The following CHKA variants were observed in gnomAD, a reference collection of about 807,000 sequenced individuals.
CHKA encodes the protein CHETK-alpha.
CHKA carries 34 observed loss-of-function variants against 60.1 expected under a neutral mutation model. The observed-to-expected ratio is 0.57, with a 90% CI of 0.43 to 0.75. CHKA has a LOEUF of 0.75. Ranked by LOEUF, CHKA falls within the 30% of genes least tolerant of loss-of-function variation. The pLI, the probability that CHKA is intolerant of heterozygous loss-of-function variation, is 0.00. For synonymous variants in CHKA, 217 were observed against 223.1 expected, an observed-to-expected ratio of 0.97 and a Z score of 0.24; for missense variants, 563 against 561.3, an observed-to-expected ratio of 1.00 and a Z score of -0.03.
intron 1 of CHKA, among the ~76,000 whole-genome samples, chr11:68,110,184 G>A (rs538506339): frequency 6.6e-6 from 1 of 152,274 alleles, no homozygotes; most frequent in African/African-American, 2.4e-5. Flanking sequence ...TGATGAGAAA[G>A]TCACAGCTTT....
At chr11:68,088,450 T>G (rs1427608669) in intron 2 of CHKA, among the ~76,000 whole-genome samples, 1 of 151,966 alleles carries the variant, frequency 6.6e-6, no homozygotes, top group Non-Finnish European at 1.5e-5. Context: ...GAGAAATAAT[T>G]TTTAATACAG....
intron 1 of CHKA, among the ~76,000 whole-genome samples, chr11:68,114,152 A>G (rs1213727108): frequency 6.6e-6 from 1 of 152,244 alleles, no homozygotes; most frequent in Non-Finnish European, 1.5e-5. Flanking sequence ...GCTACTCTGG[A>G]AGACAGTTTG....
Position 68,068,924 on chromosome 11 carries a change from A to G in CHKA, c.883T>C (p.Ser295Pro). 1 of 1,612,170 alleles carries G rather than the reference A, an allele frequency of 6.2e-7. No homozygotes were observed. The highest frequency in any genetic ancestry group is 8.5e-7 in the Non-Finnish European group (1 of 1,178,864). The stretch of plus-strand genomic sequence containing the variant: ...CAAAATACAACTGGAGATGGAGTAG[A>G]TTCAAGCAATGATCTGAAAAGAAAG... Reference protein sequence around the residue: ...ELENLRSLLESTPSPVVFCHN... With the variant: ...ELENLRSLLEPTPSPVVFCHN... Residue 295 changes from serine (S) to proline (P), a missense_variant, in exon 7 of 12, where the codon TCT (serine) becomes CCT (proline). Ser to Pro is a moderately conservative substitution (Grantham distance 74). Transcript: ENST00000265689.
At chr11:68,091,414 A>G (rs1483286420) in intron 2 of CHKA, among the ~76,000 whole-genome samples, 1 of 152,244 alleles carries the variant, frequency 6.6e-6, no homozygotes, top group Non-Finnish European at 1.5e-5. Context: ...ATAATATTGT[A>G]TAGTTGTGTG....
In CHKA at chr11:68,065,852, A is replaced by C. The variant is rs1255534404; in HGVS notation, c.1059T>G (p.Asp353Glu). 6.2e-7 allele frequency: 1 copy of C among 1,607,112 alleles called. No homozygotes were observed. Among genetic ancestry groups the C allele is most frequent in the Non-Finnish European group, 8.5e-7 (1 of 1,174,346 alleles). Residue 353 changes from aspartate (D) to glutamate (E), a missense_variant, in exon 9 of 12, where the codon GAT (aspartate) becomes GAG (glutamate). Coordinates refer to ENST00000265689, the MANE Select transcript of CHKA (RefSeq NM_001277.3). Reference protein sequence around the residue: ...IGNHFCEWMYDYSYEKYPFFR... With the variant: ...IGNHFCEWMYEYSYEKYPFFR... Reference sequence around the variant, plus strand: ...AAAAAGGGTATTTTTCATAGCTATAATCATACATCCACTCACAGAAGTGAT... The same window carrying C: ...AAAAAGGGTATTTTTCATAGCTATACTCATACATCCACTCACAGAAGTGAT...
intron 11 of CHKA, among the ~76,000 whole-genome samples, chr11:68,056,019 G>C (rs1856002836): frequency 6.6e-6 from 1 of 152,160 alleles, no homozygotes; most frequent in African/African-American, 2.4e-5. Context: ...TTGAACTCCA[G>C]CCTGCGCAAC....
At chr11:68,116,908 A>G (rs1411461825) in intron 1 of CHKA, among the ~76,000 whole-genome samples, 2 of 152,188 alleles carry the variant, frequency 1.3e-5, no homozygotes, top group African/African-American at 4.8e-5. Flanking sequence ...GAAGAGACTC[A>G]GACAAGGATC....
chr11:68,102,013 T>C (rs945337986), intron 1 of CHKA, among the ~76,000 whole-genome samples: 2 of 150,350 alleles, frequency 1.3e-5, no homozygotes, highest in Non-Finnish European at 2.9e-5. Flanking sequence ...GGCAGGAGAA[T>C]CTCTTGAACT....
chr11:68,117,446 T>A (rs982331773), intron 1 of CHKA, among the ~76,000 whole-genome samples: 1 of 152,164 alleles, frequency 6.6e-6, no homozygotes, highest in Non-Finnish European at 1.5e-5. Flanking sequence ...CCCAGCACTT[T>A]GGGAGGCCAA....
intron 1 of CHKA, among the ~76,000 whole-genome samples, chr11:68,112,826 T>C (rs928626460): frequency 6.6e-6 from 1 of 152,104 alleles, no homozygotes; most frequent in Non-Finnish European, 1.5e-5. Flanking sequence ...TTCATGCCTG[T>C]AATCCCAGCA....
chr11:68,118,799 TC>T (rs1858492910), intron 1 of CHKA, among the ~76,000 whole-genome samples: 1 of 152,202 alleles, frequency 6.6e-6, no homozygotes, highest in Non-Finnish European at 1.5e-5. Context: ...AAACAAGACA[TC>T]CTCAATGCTT....
intron 2 of CHKA, 25 bp downstream of exon 2, chr11:68,096,994 C>G: frequency 1.3e-6 from 2 of 1,545,330 alleles, no homozygotes; most frequent in Non-Finnish European, 1.8e-6. Flanking sequence ...GGATCCCCCC[C>G]TCCCAAAGTA....
In CHKA at chr11:68,114,367, CTGAG is replaced by C. The variant is rs1170178854; in HGVS notation, c.350+6457_350+6460del. ...GGTATATCCAGATGACAGAATACTA[CTGAG>C]TATTAAAAAGAAGTGAGTTATCAAG... is the stretch of plus-strand genomic sequence containing the variant. On this transcript the variant is annotated intron_variant, in intron 1 of 11. Transcript: ENST00000265689. 3.3e-5 allele frequency among the ~76,000 whole-genome samples: 5 copies of C among 152,096 alleles called. 1 individual carries two copies. In the East Asian group the frequency reaches 9.6e-4, roughly 29 times the overall value.
At chr11:68,094,639 C>T (rs575075980) in intron 2 of CHKA, among the ~76,000 whole-genome samples, 1 of 152,348 alleles carries the variant, frequency 6.6e-6, no homozygotes, top group East Asian at 1.9e-4. Context: ...AAAACCCAAG[C>T]TGCATGGTGA....
chr11:68,095,402 CAAAAAAAAAAAAAAA>C (rs35029853), intron 2 of CHKA, among the ~76,000 whole-genome samples: 1 of 12,502 alleles, frequency 8.0e-5, no homozygotes, highest in South Asian at 8.5e-3. Flanking sequence ...GACTCCATCT[CAAAAAAAAAAAAAAA>C]AAAAAAAAAA....
At chr11:68,065,441 T>C (rs1856409246) in intron 9 of CHKA, among the ~76,000 whole-genome samples, 1 of 152,234 alleles carries the variant, frequency 6.6e-6, no homozygotes, top group Admixed American at 6.5e-5. Context: ...GGCTCACAAC[T>C]GTAATCCCAG....
In CHKA at chr11:68,120,922, G is replaced by C. The variant is rs1439577067; in HGVS notation, c.256C>G (p.Arg86Gly). The C allele has an allele frequency of 1.6e-6, 2 of 1,214,744 alleles. No individual in the cohort carries two copies. The highest frequency in any genetic ancestry group is 2.1e-6 in the Non-Finnish European group (2 of 968,072). 75.2% of individuals were successfully genotyped at this position (1,214,744 alleles called of 1,614,324 possible). ...QPPADEQPEPRTRRRAYLWCK... is the reference protein window; with the variant it reads ...QPPADEQPEPGTRRRAYLWCK... ...CACAGATAGGCCCTGCGCCGCGTCC[G>C]GGGCTCCGGCTGCTCGTCTGCGGGC... The change falls in exon 1 of 12, where the codon CGG becomes GGG. Residue 86 changes from arginine to glycine, a missense_variant. Arg to Gly is a moderately radical substitution (Grantham distance 125). Coordinates refer to ENST00000265689, the MANE Select transcript of CHKA (RefSeq NM_001277.3).
intron 1 of CHKA, among the ~76,000 whole-genome samples, chr11:68,107,478 G>T (rs1490607677): frequency 6.6e-6 from 1 of 151,746 alleles, no homozygotes; most frequent in Non-Finnish European, 1.5e-5. Context: ...GTTAACAGTA[G>T]TGCCTTTTTC....
At chr11:68,057,644 T>C (rs1310947459) in intron 11 of CHKA, among the ~76,000 whole-genome samples, 1 of 152,166 alleles carries the variant, frequency 6.6e-6, no homozygotes, top group Non-Finnish European at 1.5e-5. Flanking sequence ...TTCTCTTGTG[T>C]TTTCTCATAG....
Sources: gnomAD v4.1 joint callset for allele counts (sites outside exome capture counted in the v4.1 genomes callset) on GRCh38, gnomAD v4.1.1 for gene constraint, MANE v1.5 for transcripts, NCBI Gene and HGNC (gene_info 2026-07-23, HGNC 2026-07-21) for gene names.